Variants in MPHOSPH8 observed in about 807,000 individuals in gnomAD.
MPHOSPH8 encodes the protein M-phase phosphoprotein 8.
MPHOSPH8 carries 45 observed loss-of-function variants against 87.3 expected under a neutral mutation model. That is an observed-to-expected ratio of 0.52 (90% confidence interval 0.41 to 0.66). The LOEUF is 0.66. Ranked by LOEUF, MPHOSPH8 falls within the 30% of genes least tolerant of loss-of-function variation. The pLI is 0.00. For missense variants in MPHOSPH8, 883 were observed against 1,020.2 expected (o/e 0.87, Z 1.83); for synonymous variants, 366 against 376.9 (o/e 0.97, Z 0.33).
In MPHOSPH8 at chr13:19,672,061, T is replaced by C. The variant is rs1876161363; in HGVS notation, c.*186T>C. 2.9e-5 allele frequency: 18 copies of C among 615,916 alleles called. No homozygotes were observed. The East Asian group carries it at 4.9e-4, about 17-fold the overall frequency. The allele number at this position is 615,916 out of a possible 1,614,324, so 38.2% of individuals were successfully genotyped here. The stretch of plus-strand genomic sequence containing the variant: ...GTGTCTGTGCCAGTATGCCGGAATC[T>C]CAGTGCAGTGTCCAGACTGCGTATT... On this transcript the variant is annotated 3_prime_UTR_variant, in exon 14 of 14. Coordinates refer to ENST00000361479, the MANE Select transcript of MPHOSPH8 (RefSeq NM_017520.4).
chr13:19,641,758 A>G (rs1167059380), intron 1 of MPHOSPH8, among the ~76,000 whole-genome samples: 1 of 151,776 alleles, frequency 6.6e-6, no homozygotes, highest in African/African-American at 2.4e-5. Flanking sequence ...GGCCTCCCAA[A>G]ATGCTGGGAT....
At chr13:19,643,545 C>T (rs911769986) in intron 2 of MPHOSPH8, among the ~76,000 whole-genome samples, 1 of 152,090 alleles carries the variant, frequency 6.6e-6, no homozygotes, top group African/African-American at 2.4e-5. Flanking sequence ...CCACTGTGCC[C>T]GACCTGATTT....
chr13:19,658,888 A>G, intron 5 of MPHOSPH8, 107 bp from the exon 6 acceptor site: 2 of 1,356,498 alleles, frequency 1.5e-6, no homozygotes, highest in Non-Finnish European at 2.0e-6. Context: ...CTTGTGTTAA[A>G]AGTGTACATA....
chr13:19,642,031 TTC>T (rs1874319004), intron 1 of MPHOSPH8, 82 bp from the exon 2 acceptor site: 2 of 1,120,066 alleles, frequency 1.8e-6, no homozygotes, highest in Non-Finnish European at 2.4e-6. Flanking sequence ...CTTTCATGTC[TTC>T]TCATCAGTTT....
At position 19,668,512 on chromosome 13, in the gene MPHOSPH8, C is replaced by G. The variant is rs1295531753; in HGVS notation, c.2310C>G (p.Pro770=). Residue 770 remains proline (P), a synonymous_variant, in exon 11 of 14, where the codon CCC becomes CCG. Coordinates refer to ENST00000361479, the MANE Select transcript of MPHOSPH8 (RefSeq NM_017520.4). ...TTTCAACAGATTTCAATTACAAACC[C>G]CCACAGAACATACCAGAAGGTAAGC... ...PDFSTDFNYK[P]PQNIPEGSGI... 1.2e-6 allele frequency: 2 copies of G among 1,614,058 alleles called. No individual in the cohort carries two copies. The highest frequency in any genetic ancestry group is 1.7e-5 in the Admixed American group (1 of 59,990).
chr13:19,644,881 A>T (rs1041192107), intron 2 of MPHOSPH8, among the ~76,000 whole-genome samples: 1 of 151,898 alleles, frequency 6.6e-6, no homozygotes, highest in Non-Finnish European at 1.5e-5. Context: ...TGATGCTCCA[A>T]AGTTTTTGTT....
chr13:19,671,768 G>T, intron 13 of MPHOSPH8, 66 bp from the exon 14 acceptor site: 1 of 1,510,744 alleles, frequency 6.6e-7, no homozygotes. Flanking sequence ...CCATTTGTGG[G>T]TTTTTTCTTG....
chr13:19,668,323 G>T, intron 10 of MPHOSPH8, 54 bp from the exon 11 acceptor site: 2 of 1,543,576 alleles, frequency 1.3e-6, no homozygotes, highest in Non-Finnish European at 1.8e-6. Flanking sequence ...GTATTCGACA[G>T]GCTTGTGGTT....
At chr13:19,670,417 CA>C in intron 12 of MPHOSPH8, 54 bp downstream of exon 12, 1 of 1,551,694 alleles carries the variant, frequency 6.4e-7, no homozygotes, top group Non-Finnish European at 8.8e-7. Context: ...ATCAAAAGCA[CA>C]GATGACTTAA....
intron 5 of MPHOSPH8, among the ~76,000 whole-genome samples, chr13:19,658,073 C>A (rs1875295512): frequency 6.6e-6 from 1 of 152,198 alleles, no homozygotes; most frequent in South Asian, 2.1e-4. Context: ...TGCTGATAGA[C>A]CTGGGATGCT....
intron 5 of MPHOSPH8, among the ~76,000 whole-genome samples, chr13:19,655,090 A>G (rs1403733986): frequency 6.6e-6 from 1 of 152,232 alleles, no homozygotes; most frequent in East Asian, 1.9e-4. Flanking sequence ...CAAATTGTAA[A>G]GGAGAAATTG....
At chr13:19,662,920 G>A (rs909361953) in intron 8 of MPHOSPH8, 120 bp from the exon 9 acceptor site, 71 of 845,176 alleles carry the variant, frequency 8.4e-5, no homozygotes, top group Admixed American at 4.8e-4. Flanking sequence ...GCTGCAGCCC[G>A]CAACCACTTG....
chr13:19,668,303 G>A, intron 10 of MPHOSPH8, 74 bp from the exon 11 acceptor site: 2 of 1,370,762 alleles, frequency 1.5e-6, no homozygotes, highest in Non-Finnish European at 1.0e-6. Context: ...GGCCTGGGAA[G>A]CCCTCACTGG....
At chr13:19,645,029 C>T (rs1377840503) in intron 2 of MPHOSPH8, among the ~76,000 whole-genome samples, 1 of 152,078 alleles carries the variant, frequency 6.6e-6, no homozygotes, top group Non-Finnish European at 1.5e-5. Context: ...GGTTTGGAAT[C>T]TAATCCTAGC....
chr13:19,651,293 G>T (rs1478465104), intron 5 of MPHOSPH8, among the ~76,000 whole-genome samples: 1 of 152,194 alleles, frequency 6.6e-6, no homozygotes, highest in Non-Finnish European at 1.5e-5. Context: ...TTGGGAGGTT[G>T]AGGCAGGTGG....
chr13:19,660,185 GT>G (rs1330855048), intron 7 of MPHOSPH8, among the ~76,000 whole-genome samples: 2 of 151,006 alleles, frequency 1.3e-5, no homozygotes, highest in Non-Finnish European at 3.0e-5. Flanking sequence ...AGCCAGGATG[GT>G]CTCGATCTCC....
chr13:19,662,802 G>A (rs1042304366), intron 8 of MPHOSPH8, among the ~76,000 whole-genome samples: 1 of 152,144 alleles, frequency 6.6e-6, no homozygotes, highest in Non-Finnish European at 1.5e-5. Flanking sequence ...ATATGCAGAG[G>A]TTCTTAGGTT....
intron 5 of MPHOSPH8, 118 bp from the exon 6 acceptor site, chr13:19,658,877 A>T: frequency 8.0e-7 from 1 of 1,253,764 alleles, no homozygotes; most frequent in Non-Finnish European, 1.1e-6. Flanking sequence ...TTATACAATG[A>T]CTTGTGTTAA....
At position 19,672,958 on chromosome 13, in the gene MPHOSPH8, A is replaced by T; in HGVS notation, c.*1083A>T. 1 of 391,606 alleles carries T rather than the reference A, an allele frequency of 2.6e-6. No individual in the cohort carries two copies. The highest frequency in any genetic ancestry group is 4.9e-6 in the Non-Finnish European group (1 of 203,112). 24.3% of individuals were successfully genotyped at this position (391,606 alleles called of 1,614,324 possible). On this transcript the variant is annotated 3_prime_UTR_variant, in exon 14 of 14. Coordinates refer to ENST00000361479, the MANE Select transcript of MPHOSPH8 (RefSeq NM_017520.4). Reference sequence around the variant, plus strand: ...GTAGTCCCAGATACTCAGGAGGCTGAGGTGAAAGGATTGCTTGAGCCAGGG... The same window carrying T: ...GTAGTCCCAGATACTCAGGAGGCTGTGGTGAAAGGATTGCTTGAGCCAGGG...
Sources: allele counts gnomAD v4.1 joint callset (sites outside exome capture counted in the v4.1 genomes callset), GRCh38; gene constraint gnomAD v4.1.1; transcripts MANE v1.5; gene names NCBI Gene and HGNC (gene_info 2026-07-23, HGNC 2026-07-21).